MEGF11: variants seen among roughly 807,000 people sequenced by gnomAD.
MEGF11 encodes multiple epidermal growth factor-like domains protein 11.
MEGF11 carries 126 observed loss-of-function variants against 146.6 expected under a neutral mutation model. The observed-to-expected ratio is 0.86, with a 90% CI of 0.74 to 1.00. The LOEUF is 1.00. MEGF11 is among the 50% of genes least tolerant of loss of function. The probability of loss-of-function intolerance (pLI) is 0.00; values close to 1 mark genes in which losing one functional copy is unlikely to be tolerated. For synonymous variants in MEGF11, 532 were observed against 583.4 expected (o/e 0.91, Z 1.27); for missense variants, 1,509 against 1,521.2 (o/e 0.99, Z 0.13).
At chr15:66,211,155 G>A (rs921241160) in intron 1 of MEGF11, among the ~76,000 whole-genome samples, 1 of 152,118 alleles carries the variant, frequency 6.6e-6, no homozygotes, top group African/African-American at 2.4e-5. Context: ...TCCCCTGGAG[G>A]TATCACATAC....
chr15:66,172,259 C>A (rs2090280007), intron 1 of MEGF11, among the ~76,000 whole-genome samples: 2 of 152,256 alleles, frequency 1.3e-5, no homozygotes, highest in South Asian at 4.1e-4. Context: ...CAGCAGGAAT[C>A]AAAAAATGTC....
intron 1 of MEGF11, among the ~76,000 whole-genome samples, chr15:66,163,878 G>T (rs976428898): frequency 1.3e-5 from 2 of 152,172 alleles, no homozygotes; most frequent in Non-Finnish European, 2.9e-5. Context: ...CGTCATATTC[G>T]AGAAGAGCTT....
chr15:66,066,994 G>C (rs1193163522), intron 5 of MEGF11, among the ~76,000 whole-genome samples: 1 of 152,180 alleles, frequency 6.6e-6, no homozygotes, highest in Non-Finnish European at 1.5e-5. Context: ...CCTGCGCCCA[G>C]CTGCACCACC....
chr15:65,954,089 AG>A (rs757227493), intron 10 of MEGF11, among the ~76,000 whole-genome samples: 1 of 152,170 alleles, frequency 6.6e-6, no homozygotes, highest in Non-Finnish European at 1.5e-5. Context: ...TCGTTCAGAT[AG>A]GGAAATGGAG....
intron 5 of MEGF11, among the ~76,000 whole-genome samples, chr15:66,047,743 A>T (rs1349334834): frequency 6.6e-6 from 1 of 152,084 alleles, no homozygotes; most frequent in East Asian, 1.9e-4. Context: ...GGCCTGGGGG[A>T]GTCTGGGCCG....
chr15:65,973,361 A>G (rs1041027094), intron 7 of MEGF11, among the ~76,000 whole-genome samples: 2 of 152,242 alleles, frequency 1.3e-5, no homozygotes, highest in Non-Finnish European at 2.9e-5. Context: ...GAGACTTCTA[A>G]TGGGTCTGAC....
At chr15:65,924,598 A>G (rs923838747) in intron 13 of MEGF11, among the ~76,000 whole-genome samples, 2 of 151,672 alleles carry the variant, frequency 1.3e-5, no homozygotes, top group African/African-American at 2.4e-5. Context: ...TCCTGGGCAT[A>G]ACAAAAGCTG....
At chr15:66,064,971 C>G (rs1273929096) in intron 5 of MEGF11, among the ~76,000 whole-genome samples, 1 of 152,192 alleles carries the variant, frequency 6.6e-6, no homozygotes, top group Non-Finnish European at 1.5e-5. Context: ...CTGGAAGGCA[C>G]CAGGTCTCCT....
intron 5 of MEGF11, among the ~76,000 whole-genome samples, chr15:66,012,024 G>A (rs185762823): frequency 2.6e-5 from 4 of 151,570 alleles, no homozygotes; most frequent in Admixed American, 2.0e-4. Context: ...GAGCCCAGAA[G>A]TTTGAAACCA....
intron 1 of MEGF11, among the ~76,000 whole-genome samples, chr15:66,131,931 A>C (rs536071437): frequency 5.3e-5 from 8 of 152,320 alleles, no homozygotes; most frequent in African/African-American, 1.7e-4. Context: ...CCAAGTCTGA[A>C]GAAAGGCCTG....
At chr15:66,186,433 T>G (rs2090705914) in intron 1 of MEGF11, among the ~76,000 whole-genome samples, 1 of 152,170 alleles carries the variant, frequency 6.6e-6, no homozygotes, top group African/African-American at 2.4e-5. Context: ...GAATTTGCCC[T>G]GTGGGGAAGG....
At chr15:66,205,906 C>T (rs1178358538) in intron 1 of MEGF11, among the ~76,000 whole-genome samples, 1 of 152,140 alleles carries the variant, frequency 6.6e-6, no homozygotes, top group Non-Finnish European at 1.5e-5. Flanking sequence ...AAATCACTCA[C>T]CATACCAAAA....
At chr15:65,998,799 T>C in intron 5 of MEGF11, among the ~76,000 whole-genome samples, 1 of 152,014 alleles carries the variant, frequency 6.6e-6, no homozygotes, top group East Asian at 1.9e-4. Flanking sequence ...TGGTGTGAGG[T>C]TAATGACCCT....
chr15:66,119,050 C>T (rs1259712185), intron 4 of MEGF11, 36 bp downstream of exon 4: 1 of 1,434,162 alleles, frequency 7.0e-7, no homozygotes, highest in Non-Finnish European at 9.6e-7. Context: ...TCCTCCCTTC[C>T]CCACTGAGGG....
intron 10 of MEGF11, among the ~76,000 whole-genome samples, chr15:65,953,546 G>A (rs560149508): frequency 6.6e-6 from 1 of 152,334 alleles, no homozygotes; most frequent in African/African-American, 2.4e-5. Flanking sequence ...GTCAGACGAA[G>A]CATGCAGCCA....
chr15:65,963,522 T>TTGA (rs1294080399), intron 9 of MEGF11, among the ~76,000 whole-genome samples: 2 of 151,302 alleles, frequency 1.3e-5, no homozygotes, highest in African/African-American at 4.9e-5. Context: ...CATGGTTCAG[T>TTGA]TGATAGAATT....
chr15:66,123,564 A>G (rs572279869), intron 3 of MEGF11, among the ~76,000 whole-genome samples: 3 of 152,340 alleles, frequency 2.0e-5, no homozygotes, highest in Admixed American at 6.5e-5. Flanking sequence ...CTGGGGTTCC[A>G]TCACTGGAGA....
At chr15:66,124,179 TC>T (rs1368509928) in intron 2 of MEGF11, among the ~76,000 whole-genome samples, 179 bp from the exon 3 acceptor site, 1 of 150,786 alleles carries the variant, frequency 6.6e-6, no homozygotes, top group Non-Finnish European at 1.5e-5. Context: ...TATTCCAGCC[TC>T]CCCGACCCCA....
At chr15:66,165,925 C>G (rs572682527) in intron 1 of MEGF11, among the ~76,000 whole-genome samples, 1 of 152,240 alleles carries the variant, frequency 6.6e-6, no homozygotes, top group East Asian at 1.9e-4. Context: ...CTCCAGGTGC[C>G]AGGTAGCCCT....
Sources: gnomAD v4.1 joint callset for allele counts (sites outside exome capture counted in the v4.1 genomes callset) on GRCh38, gnomAD v4.1.1 for gene constraint, MANE v1.5 for transcripts, NCBI Gene and HGNC (gene_info 2026-07-23, HGNC 2026-07-21) for gene names.